PSG5: variants seen among roughly 807,000 people sequenced by gnomAD.
PSG5 encodes the protein pregnancy-specific beta-1-glycoprotein 5.
A neutral mutation model predicts 37.7 loss-of-function variants in PSG5; 53 were observed. The ratio of observed to expected loss-of-function variants is 1.41; its 90% CI spans 1.13 to 1.77. The LOEUF (loss-of-function observed/expected upper bound fraction) is 1.77, where lower values mean the gene tolerates loss of function less well. Ranked by LOEUF, PSG5 falls within the 40% of genes most tolerant of loss-of-function variation. The pLI is 0.00. For missense variants in PSG5, 547 were observed against 405.2 expected, an observed-to-expected ratio of 1.35 and a Z score of -3.00; for synonymous variants, 221 against 155.4, an observed-to-expected ratio of 1.42 and a Z score of -3.14.
chr19:43,181,932 C>G (rs934428112), intron 2 of PSG5, among the ~76,000 whole-genome samples: 1 of 151,708 alleles, frequency 6.6e-6, no homozygotes, highest in South Asian at 2.1e-4. Context: ...ACGAGTGAAA[C>G]AGTTGAAATG....
At position 43,173,104 on chromosome 19, in the gene PSG5, C is replaced by G. The variant is rs769573369; in HGVS notation, c.964+2111G>C. On this transcript the variant is annotated intron_variant, in intron 4 of 5. Coordinates refer to ENST00000342951, the MANE Select transcript of PSG5 (RefSeq NM_002781.4). ...GGCCAAATGATTTTCATGGAGTGTT[C>G]CAAGATCATTCAATGGGGAACGGAC... Among the ~76,000 whole-genome samples, 8 of 151,526 alleles carry G rather than the reference C, an allele frequency of 5.3e-5. 1 individual carries two copies. The highest frequency in any genetic ancestry group is 9.7e-5 in the African/African-American group (4 of 41,120).
At chr19:43,182,171 T>C (rs1162673295) in intron 2 of PSG5, among the ~76,000 whole-genome samples, 1 of 151,660 alleles carries the variant, frequency 6.6e-6, no homozygotes, top group Admixed American at 6.6e-5. Context: ...TCCATGAAAC[T>C]AACAACCTTA....
rs1476831546 is a variant in PSG5 at position 43,175,732 on chromosome 19, G to T, written c.709+138C>A. On this transcript the variant is annotated intron_variant, in intron 3 of 5. Coordinates refer to ENST00000342951, the MANE Select transcript of PSG5 (RefSeq NM_002781.4). ...CTGTGCCTACCTAGGTTTTCCAAGGGCAGGGAGTCATGGCCAGCTCAGATG... is the reference window on the plus strand; with the variant it reads ...CTGTGCCTACCTAGGTTTTCCAAGGTCAGGGAGTCATGGCCAGCTCAGATG... 2.0e-6 allele frequency: 3 copies of T among 1,506,868 alleles called. No homozygotes were observed. The Admixed American group carries it at 6.2e-5, about 31-fold the overall frequency. The allele number at this position is 1,506,868 out of a possible 1,614,324, so 93.3% of individuals were successfully genotyped here.
intron 4 of PSG5, 68 bp from the exon 5 acceptor site, chr19:43,170,206 G>A: frequency 7.5e-7 from 1 of 1,331,578 alleles, no homozygotes; most frequent in Non-Finnish European, 1.1e-6. Flanking sequence ...GCCTCAGGAA[G>A]AGGCATGTAG....
At chr19:43,185,800 T>A (rs1360764127) in intron 1 of PSG5, among the ~76,000 whole-genome samples, 4 of 149,388 alleles carry the variant, frequency 2.7e-5, no homozygotes, top group African/African-American at 1.0e-4. Flanking sequence ...CTGCTTATAC[T>A]TTTATTAGAA....
At chr19:43,179,261 G>A in intron 2 of PSG5, 13 of 1,356,152 alleles carry the variant, frequency 9.6e-6, no homozygotes, top group Non-Finnish European at 1.3e-5. Flanking sequence ...GCCCACCCAA[G>A]TCCTTAAAAG....
rs62115032 is a variant in PSG5 at position 43,185,675 on chromosome 19, C to T, written c.65-528G>A. The stretch of plus-strand genomic sequence containing the variant: ...TTGTGATCTTGGTTGCACCCCAGTG[C>T]CTGGAACAGGCTGCAGACTCCTGCA... On this transcript the variant is annotated intron_variant, in intron 1 of 5. Coordinates refer to ENST00000342951, the MANE Select transcript of PSG5 (RefSeq NM_002781.4). Among the ~76,000 whole-genome samples the T allele has an allele frequency of 1.9e-3, 293 of 151,712 alleles. 8 individuals are homozygous for T. The highest frequency in any genetic ancestry group is 3.4e-3 in the Middle Eastern group (1 of 294).
At position 43,183,565 on chromosome 19, in the gene PSG5, G is replaced by T. The variant is rs565709788; in HGVS notation, c.430+1217C>A. 1.9e-5 allele frequency: 9 copies of T among 485,808 alleles called. No individual in the cohort carries two copies. In the East Asian group the frequency reaches 5.3e-4, roughly 28 times the overall value. 30.1% of individuals were successfully genotyped at this position (485,808 alleles called of 1,614,324 possible). A position where few individuals can be genotyped will look rare whatever the true frequency, so the allele number is the denominator to read the frequency against. ...AACACAGGATTTCAGGTTCAGTGAT[G>T]GGGGTTAAGATCTGAGGGGGAGGCC... is the stretch of plus-strand genomic sequence containing the variant. On this transcript the variant is annotated intron_variant, in intron 2 of 5. Coordinates refer to ENST00000342951, the MANE Select transcript of PSG5 (RefSeq NM_002781.4).
rs189044686 is a variant in PSG5, at chr19:43,168,969, T to C, written c.*41-766A>G. Among the ~76,000 whole-genome samples the C allele has an allele frequency of 6.0e-4, 91 of 151,764 alleles. 1 individual carries two copies. The highest frequency in any genetic ancestry group is 2.2e-3 in the African/African-American group (90 of 41,262). ...TACCTATTACAACAAGAGTTCTCCA[T>C]CCTTGTTACATGTTAGTAGTGTCAG... is the stretch of plus-strand genomic sequence containing the variant. On this transcript the variant is annotated intron_variant, in intron 5 of 5. Coordinates refer to ENST00000342951, the MANE Select transcript of PSG5 (RefSeq NM_002781.4).
intron 2 of PSG5, among the ~76,000 whole-genome samples, chr19:43,182,849 G>A (rs1347980386): frequency 2.0e-5 from 3 of 147,798 alleles, no homozygotes; most frequent in South Asian, 4.3e-4. Flanking sequence ...GGAATACAGT[G>A]GAAGCTCATT....
chr19:43,170,215 A>G, intron 4 of PSG5, 77 bp from the exon 5 acceptor site: 3 of 1,226,518 alleles, frequency 2.4e-6, no homozygotes, highest in South Asian at 2.4e-5. Context: ...AGAGGCATGT[A>G]GCATGAGGTA....
In PSG5 at chr19:43,184,931, G is replaced by A. The variant is rs780059186; in HGVS notation, c.281C>T (p.Ala94Val). ...ATATACTGTTTCTCGTCCAGTGTAT[G>A]CAGGCCCATATATATTTATTTGACC... ...VDGQINIYGP[A>V]YTGRETVYSN... is the part of the protein sequence containing the mutation. Residue 94 changes from alanine (A) to valine (V), a missense_variant, in exon 2 of 6, where the codon GCA becomes GTA. Ala to Val is a moderately conservative substitution (Grantham distance 64). Transcript: ENST00000342951. The A allele has an allele frequency of 6.2e-7, 1 of 1,612,578 alleles. No homozygotes were observed. The highest frequency in any genetic ancestry group is 2.2e-5 in the East Asian group (1 of 44,866).
intron 2 of PSG5, chr19:43,183,308 T>C (rs1969170274): frequency 9.7e-6 from 4 of 411,526 alleles, no homozygotes; most frequent in Non-Finnish European, 2.0e-5. Context: ...TGTCAGCCTC[T>C]GAAGGACAAG....
At chr19:43,178,843 G>T (rs780905479) in intron 2 of PSG5, 1 of 1,612,724 alleles carries the variant, frequency 6.2e-7, no homozygotes, top group Non-Finnish European at 8.5e-7. Context: ...TATTTGGGAT[G>T]GCAGCCTGGC....
chr19:43,169,036 C>A lies in PSG5; in HGVS notation c.*41-833G>T, dbSNP rs1968847465. On this transcript the variant is annotated intron_variant, in intron 5 of 5. Coordinates refer to ENST00000342951, the MANE Select transcript of PSG5 (RefSeq NM_002781.4). Reference sequence around the variant, plus strand: ...ACCAATGCCTTGGTCCCTCTCCAGACCTTTAAACTGGAACTAATGGGTGGG... The same window carrying A: ...ACCAATGCCTTGGTCCCTCTCCAGAACTTTAAACTGGAACTAATGGGTGGG... Among the ~76,000 whole-genome samples, 4 of 151,588 alleles carry A rather than the reference C, an allele frequency of 2.6e-5. No homozygotes were observed. In the South Asian group the frequency reaches 6.2e-4, roughly 24 times the overall value.
rs1002138720 is a variant in PSG5, at chr19:43,168,792, A to G, written c.*41-589T>C. ...ATATATCAAATAAGGTGGCTTTTCC[A>G]TTCAGCTTCTGTTTCTCAAGAGGAT... On this transcript the variant is annotated intron_variant, in intron 5 of 5. Transcript: ENST00000342951. Among the ~76,000 whole-genome samples, 11 of 151,468 alleles carry G rather than the reference A, an allele frequency of 7.3e-5. 1 individual carries two copies. Among genetic ancestry groups the G allele is most frequent in the African/African-American group, 2.4e-4 (10 of 41,074 alleles).
rs534568803 is a variant in PSG5, at chr19:43,182,705, AT to A, written c.430+2076del. On this transcript the variant is annotated intron_variant, in intron 2 of 5. Coordinates refer to ENST00000342951, the MANE Select transcript of PSG5 (RefSeq NM_002781.4). Reference sequence around the variant, plus strand: ...TTGACTAGAAACCAACATTTCAATAATTTTTTTTTTTTTTTTTTGTGCAGGA... The same window carrying A: ...TTGACTAGAAACCAACATTTCAATAATTTTTTTTTTTTTTTTTGTGCAGGA... 7.2e-3 allele frequency among the ~76,000 whole-genome samples: 423 copies of A among 58,466 alleles called. 37 individuals are homozygous for A. The highest frequency in any genetic ancestry group is 0.03 in the Middle Eastern group (4 of 132). The allele number at this position is 58,466 out of a possible 152,430, so 38.4% of individuals were successfully genotyped here.
At chr19:43,182,952 T>G (rs1969161401) in intron 2 of PSG5, among the ~76,000 whole-genome samples, 1 of 146,730 alleles carries the variant, frequency 6.8e-6, no homozygotes, top group Admixed American at 6.8e-5. Context: ...TCCTGGGAGG[T>G]GGGCCAGGCC....
intron 3 of PSG5, 188 bp from the exon 4 acceptor site, chr19:43,175,657 A>C: frequency 2.9e-6 from 4 of 1,387,008 alleles, no homozygotes; most frequent in Non-Finnish European, 3.9e-6. Flanking sequence ...CTATTGACAC[A>C]AAGTCTCCCA....
Sources: gnomAD v4.1 joint callset for allele counts (sites outside exome capture counted in the v4.1 genomes callset) on GRCh38, gnomAD v4.1.1 for gene constraint, MANE v1.5 for transcripts, NCBI Gene and HGNC (gene_info 2026-07-23, HGNC 2026-07-21) for gene names.